CAMK2D: variants seen among roughly 807,000 people sequenced by gnomAD.
CAMK2D encodes the protein calcium/calmodulin-dependent protein kinase type II subunit delta.
A neutral mutation model predicts 84.0 loss-of-function variants in CAMK2D; 37 were observed. That is an observed-to-expected ratio of 0.44 (90% CI 0.34 to 0.58). The LOEUF is 0.58. Among genes scored for constraint, CAMK2D ranks in the 20% least tolerant of loss-of-function variants. The pLI is 0.02. For missense variants in CAMK2D, 448 were observed against 652.5 expected, an observed-to-expected ratio of 0.69 and a Z score of 3.41; for synonymous variants, 202 against 212.5, an observed-to-expected ratio of 0.95 and a Z score of 0.43.
At chr4:113,483,444 C>T (rs998892200) in intron 16 of CAMK2D, among the ~76,000 whole-genome samples, 8 of 150,002 alleles carry the variant, frequency 5.3e-5, no homozygotes, top group East Asian at 1.9e-4. Context: ...TTGCTTTTGT[C>T]GCGCAGGCTG....
intron 4 of CAMK2D, among the ~76,000 whole-genome samples, chr4:113,578,459 T>C (rs1263748637): frequency 4.6e-5 from 7 of 152,182 alleles, no homozygotes; most frequent in Non-Finnish European, 8.8e-5. Flanking sequence ...AATTGTTTGT[T>C]TTTTATACTG....
At chr4:113,454,769 CAG>C (rs995626280) in intron 20 of CAMK2D, among the ~76,000 whole-genome samples, 2 of 152,082 alleles carry the variant, frequency 1.3e-5, no homozygotes, top group African/African-American at 2.4e-5. Context: ...AATAAAGAGA[CAG>C]AGACACAGTC....
chr4:113,685,227 C>T (rs894270332), intron 2 of CAMK2D, among the ~76,000 whole-genome samples: 12 of 148,068 alleles, frequency 8.1e-5, no homozygotes, highest in Non-Finnish European at 1.8e-4. Flanking sequence ...AAATGACTTA[C>T]ATTTCAGACT....
intron 2 of CAMK2D, chr4:113,753,645 A>G (rs1488371746): frequency 1.2e-5 from 4 of 328,990 alleles, no homozygotes; most frequent in Non-Finnish European, 1.7e-5. Context: ...TACGTCATTT[A>G]AAATAATTTT....
intron 2 of CAMK2D, among the ~76,000 whole-genome samples, chr4:113,700,006 T>C (rs1387919216): frequency 6.6e-6 from 1 of 152,152 alleles, no homozygotes; most frequent in Non-Finnish European, 1.5e-5. Flanking sequence ...CTATAATATC[T>C]CCATCTGGTA....
At chr4:113,639,461 A>C (rs888369243) in intron 3 of CAMK2D, among the ~76,000 whole-genome samples, 1 of 152,224 alleles carries the variant, frequency 6.6e-6, no homozygotes, top group African/African-American at 2.4e-5. Flanking sequence ...GTGGTACCAG[A>C]GCCACTACTA....
intron 12 of CAMK2D, among the ~76,000 whole-genome samples, chr4:113,512,567 T>C (rs2098229402): frequency 6.6e-6 from 1 of 152,158 alleles, no homozygotes. Context: ...TCCTCAATAA[T>C]GGTCTTCCCT....
chr4:113,761,512 T>G lies in CAMK2D; in HGVS notation c.-444A>C. ...GGGAGGGAGTCCGAGGGGGCGGAGG[T>G]GGAGTGCAGCGGGGCCGAGGCCGCG... On this transcript the variant is annotated 5_prime_UTR_variant, in exon 1 of 21. Coordinates refer to ENST00000511664, the MANE Select transcript of CAMK2D (RefSeq NM_001321571.2). 9.7e-7 allele frequency: 1 copy of G among 1,029,650 alleles called. No homozygotes were observed. Among genetic ancestry groups the G allele is most frequent in the East Asian group, 9.4e-5 (1 of 10,608 alleles). 63.8% of individuals were successfully genotyped at this position (1,029,650 alleles called of 1,614,324 possible).
intron 3 of CAMK2D, among the ~76,000 whole-genome samples, chr4:113,657,787 C>T (rs1426271483): frequency 6.6e-6 from 1 of 152,076 alleles, no homozygotes; most frequent in Non-Finnish European, 1.5e-5. Flanking sequence ...GAGAAAGACA[C>T]ATTCAAATAT....
At chr4:113,582,414 T>C (rs1382353643) in intron 4 of CAMK2D, among the ~76,000 whole-genome samples, 1 of 152,240 alleles carries the variant, frequency 6.6e-6, no homozygotes, top group Non-Finnish European at 1.5e-5. Context: ...TCCACTCTTT[T>C]TGGTGTATAG....
intron 16 of CAMK2D, among the ~76,000 whole-genome samples, chr4:113,486,955 C>T (rs17530747): frequency 0.17 from 26,155 of 152,180 alleles, 2,937 homozygotes; most frequent in Non-Finnish European, 0.26. Context: ...TTTTCTAAAT[C>T]TTCTAGAGTC....
intron 16 of CAMK2D, among the ~76,000 whole-genome samples, chr4:113,466,276 A>AAATG (rs1298214881): frequency 2.0e-5 from 3 of 150,806 alleles, no homozygotes; most frequent in Admixed American, 2.0e-4. Flanking sequence ...ATAAATAAAT[A>AAATG]AATAAATAAA....
At chr4:113,694,458 A>C (rs2099397066) in intron 2 of CAMK2D, among the ~76,000 whole-genome samples, 1 of 152,188 alleles carries the variant, frequency 6.6e-6, no homozygotes, top group Non-Finnish European at 1.5e-5. Context: ...TAAAATAGCT[A>C]TCTCTATGAA....
intron 9 of CAMK2D, among the ~76,000 whole-genome samples, chr4:113,517,042 A>ATGAT (rs1210662716): frequency 1.3e-5 from 2 of 151,802 alleles, no homozygotes; most frequent in Non-Finnish European, 2.9e-5. Flanking sequence ...TATTAGAATT[A>ATGAT]TGATTTTCAA....
At chr4:113,610,045 A>ATTTATT (rs1255339581) in intron 3 of CAMK2D, among the ~76,000 whole-genome samples, 1 of 148,620 alleles carries the variant, frequency 6.7e-6, no homozygotes, top group Non-Finnish European at 1.5e-5. Context: ...TTTTTTGCTT[A>ATTTATT]TTTATTTTTA....
chr4:113,705,326 C>CA (rs34325573), intron 2 of CAMK2D, among the ~76,000 whole-genome samples: 18,105 of 90,870 alleles, frequency 0.2, 3,085 homozygotes, highest in African/African-American at 0.47. Context: ...GACTCCATCT[C>CA]AAAAAAAAAA....
chr4:113,697,396 C>T (rs191127223), intron 2 of CAMK2D, among the ~76,000 whole-genome samples: 1 of 151,636 alleles, frequency 6.6e-6, no homozygotes, highest in East Asian at 1.9e-4. Flanking sequence ...GCTTAACAGA[C>T]AAAAAGGGAA....
In CAMK2D at chr4:113,517,543, T is replaced by C; in HGVS notation, c.696+20A>G. 1 of 1,165,590 alleles carries C rather than the reference T, an allele frequency of 8.6e-7. No individual in the cohort carries two copies. Among genetic ancestry groups the C allele is most frequent in the African/African-American group, 1.5e-5 (1 of 66,034 alleles). The allele number at this position is 1,165,590 out of a possible 1,614,324, so 72.2% of individuals were successfully genotyped here. On this transcript the variant is annotated intron_variant, in intron 9 of 20. Coordinates refer to ENST00000511664, the MANE Select transcript of CAMK2D (RefSeq NM_001321571.2). The stretch of plus-strand genomic sequence containing the variant: ...AAAGACAAACCTTCATCTAAAGTGA[T>C]ATAAATAGTTATTACATACATCATA...
intron 2 of CAMK2D, among the ~76,000 whole-genome samples, chr4:113,735,627 G>C (rs1278387898): frequency 6.6e-6 from 1 of 152,022 alleles, no homozygotes; most frequent in Non-Finnish European, 1.5e-5. Flanking sequence ...CAGGAGAAGG[G>C]TTATTATTCT....
Sources: allele counts gnomAD v4.1 joint callset (sites outside exome capture counted in the v4.1 genomes callset), GRCh38; gene constraint gnomAD v4.1.1; transcripts MANE v1.5; gene names NCBI Gene and HGNC (gene_info 2026-07-23, HGNC 2026-07-21).